The following GRIA1 variants were observed in gnomAD, a reference collection of about 807,000 sequenced individuals.
GRIA1 encodes the protein glutamate receptor 1.
A neutral mutation model predicts 99.2 loss-of-function variants in GRIA1; 31 were observed. The observed-to-expected ratio is 0.31, with a 90% CI of 0.23 to 0.42. The LOEUF (loss-of-function observed/expected upper bound fraction) is 0.42. Ranked by LOEUF, GRIA1 falls within the 10% of genes least tolerant of loss-of-function variation. GRIA1 has a pLI of 1.00. For missense variants in GRIA1, 782 were observed against 1,157.5 expected (o/e 0.68, Z 4.71); for synonymous variants, 438 against 432.4 (o/e 1.01, Z -0.16).
At chr5:153,765,079 A>G (rs953176859) in intron 12 of GRIA1, among the ~76,000 whole-genome samples, 3 of 143,772 alleles carry the variant, frequency 2.1e-5, no homozygotes, top group Non-Finnish European at 1.5e-5. Context: ...AGTATATGGG[A>G]AAAAAAAAAC....
intron 10 of GRIA1, among the ~76,000 whole-genome samples, chr5:153,700,628 A>G (rs1239576099): frequency 6.6e-6 from 1 of 152,198 alleles, no homozygotes; most frequent in African/African-American, 2.4e-5. Flanking sequence ...GAAAGACAAC[A>G]AAAGGCAATG....
At chr5:153,602,275 C>T (rs916703268) in intron 2 of GRIA1, among the ~76,000 whole-genome samples, 6 of 150,728 alleles carry the variant, frequency 4.0e-5, no homozygotes, top group Non-Finnish European at 8.8e-5. Context: ...TAAACTATCA[C>T]AAGGACAAAA....
intron 2 of GRIA1, among the ~76,000 whole-genome samples, chr5:153,504,527 A>C (rs1431632324): frequency 6.6e-6 from 1 of 152,102 alleles, no homozygotes; most frequent in African/African-American, 2.4e-5. Flanking sequence ...GAACCAATGC[A>C]GACAAAAAGT....
rs550371300 is a variant in GRIA1, at chr5:153,667,389, A to T, written c.700-7111A>T. Among the ~76,000 whole-genome samples the T allele has an allele frequency of 3.9e-5, 6 of 152,314 alleles. No homozygotes were observed. In the South Asian group the frequency reaches 1.2e-3, roughly 32 times the overall value. ...AAAGGAAATCCAGCTTTGAAGATAA[A>T]GCCTTTCATCCTTCGATAGCTATGT... On this transcript the variant is annotated intron_variant, in intron 5 of 15. Transcript: ENST00000285900.
chr5:153,532,741 G>A (rs1758202470), intron 2 of GRIA1, among the ~76,000 whole-genome samples: 1 of 152,156 alleles, frequency 6.6e-6, no homozygotes. Flanking sequence ...ACCTCCTGGT[G>A]TTTCCGGTTT....
chr5:153,813,140 T>C lies in GRIA1; in HGVS notation c.*1915T>C, dbSNP rs1269960346. Reference sequence around the variant, plus strand: ...TTTTGACTCAAGTGTTGTTGTTCAGTCTCTCGCGTGTCAATGTGGTCATGG... The same window carrying C: ...TTTTGACTCAAGTGTTGTTGTTCAGCCTCTCGCGTGTCAATGTGGTCATGG... On this transcript the variant is annotated 3_prime_UTR_variant, in exon 16 of 16. Transcript: ENST00000285900. 2 of 152,206 alleles carry C rather than the reference T, an allele frequency of 1.3e-5. No individual in the cohort carries two copies. The highest frequency in any genetic ancestry group is 4.8e-5 in the African/African-American group (2 of 41,446). The allele number at this position is 152,206 out of a possible 1,614,324, so 9.4% of individuals were successfully genotyped here. A position where few individuals can be genotyped will look rare whatever the true frequency, so the allele number is the denominator to read the frequency against.
intron 5 of GRIA1, among the ~76,000 whole-genome samples, chr5:153,670,461 A>G (rs558258187): frequency 1.3e-5 from 2 of 152,006 alleles, no homozygotes; most frequent in East Asian, 1.9e-4. Context: ...TTTTGTCAGT[A>G]GTAACAGTAT....
intron 14 of GRIA1, chr5:153,795,668 A>T: frequency 6.4e-6 from 5 of 782,124 alleles, no homozygotes; most frequent in Non-Finnish European, 1.1e-5. Context: ...CGAGCCTCAG[A>T]GAGGCTTGGA....
At chr5:153,746,362 A>T (rs1762158218) in intron 11 of GRIA1, among the ~76,000 whole-genome samples, 2 of 152,190 alleles carry the variant, frequency 1.3e-5, no homozygotes, top group Admixed American at 1.3e-4. Flanking sequence ...TATTTTAAGT[A>T]AAATCGCTCC....
intron 8 of GRIA1, among the ~76,000 whole-genome samples, chr5:153,689,644 A>G (rs185066574): frequency 6.6e-6 from 1 of 152,312 alleles, no homozygotes; most frequent in East Asian, 1.9e-4. Context: ...GGCCTTCAGC[A>G]TGTCTCATAG....
chr5:153,603,628 T>A (rs1176110918), intron 2 of GRIA1, among the ~76,000 whole-genome samples: 1 of 152,240 alleles, frequency 6.6e-6, no homozygotes, highest in African/African-American at 2.4e-5. Context: ...AATATCGACA[T>A]CTCTGCTCTA....
At chr5:153,696,879 T>TGTGTGG (rs1444321924) in intron 8 of GRIA1, among the ~76,000 whole-genome samples, 8 of 152,160 alleles carry the variant, frequency 5.3e-5, no homozygotes, top group Middle Eastern at 3.4e-3. Flanking sequence ...TGTGTGTGTG[T>TGTGTGG]GTGTATTAGT....
chr5:153,550,214 T>G (rs1266309560), intron 2 of GRIA1, among the ~76,000 whole-genome samples: 11 of 151,920 alleles, frequency 7.2e-5, no homozygotes, highest in Non-Finnish European at 1.2e-4. Context: ...TATATAGATA[T>G]GCTAAGATAT....
At position 153,674,490 on chromosome 5, in the gene GRIA1, C is replaced by A. The variant is rs762809181; in HGVS notation, c.700-10C>A. ...CATGTTCTAACTTCTCCCTCCTCCC[C>A]CTCTCACAGGGCTTCATGGACATTG... On this transcript the variant is annotated splice_polypyrimidine_tract_variant and intron_variant, in intron 5 of 15. Transcript: ENST00000285900. 1.9e-6 allele frequency: 3 copies of A among 1,613,864 alleles called. No homozygotes were observed. Among genetic ancestry groups the A allele is most frequent in the African/African-American group, 1.3e-5 (1 of 74,936 alleles).
Position 153,698,872 on chromosome 5 carries a change from T to A in GRIA1, c.1251T>A (p.Asp417Glu). The change falls in exon 10 of 16, where the codon GAT (aspartate) becomes GAA (glutamate). Residue 417 changes from aspartate (D) to glutamate (E), a missense_variant. By Grantham distance (45) the Asp-to-Glu change is conservative (BLOSUM62 2). Around this residue, in one of 5 missense-constraint regions of GRIA1, gnomAD observed 87 missense variants for 184.5 expected, o/e 0.47. Coordinates refer to ENST00000285900, the MANE Select transcript of GRIA1 (RefSeq NM_000827.4). The stretch of plus-strand genomic sequence containing the variant: ...TCTCCCCATTTCTCTTCCAGGAAGA[T>A]CCTTATGTGATGCTCAAGAAGAACG... ...RTYIVTTILE[D>E]PYVMLKKNAN... is the part of the protein sequence containing the mutation. 6.2e-7 allele frequency: 1 copy of A among 1,608,368 alleles called. No individual in the cohort carries two copies. The highest frequency in any genetic ancestry group is 8.5e-7 in the Non-Finnish European group (1 of 1,174,742).
chr5:153,714,988 A>G (rs1759569476), intron 11 of GRIA1, among the ~76,000 whole-genome samples: 2 of 152,254 alleles, frequency 1.3e-5, no homozygotes, highest in South Asian at 4.1e-4. Context: ...TGCCTGCTAA[A>G]GCAGAGTGGA....
chr5:153,727,487 C>T (rs1361533565), intron 11 of GRIA1, among the ~76,000 whole-genome samples: 1 of 152,218 alleles, frequency 6.6e-6, no homozygotes, highest in Non-Finnish European at 1.5e-5. Context: ...CTAGAAAACC[C>T]CATTGTCTCA....
At chr5:153,598,527 T>G (rs1238282294) in intron 2 of GRIA1, among the ~76,000 whole-genome samples, 1 of 152,100 alleles carries the variant, frequency 6.6e-6, no homozygotes, top group Admixed American at 6.5e-5. Context: ...CTGGAAAGCC[T>G]TGAATGCCAA....
intron 3 of GRIA1, among the ~76,000 whole-genome samples, chr5:153,649,462 TAG>T (rs1754391593): frequency 6.6e-6 from 1 of 151,992 alleles, no homozygotes; most frequent in Non-Finnish European, 1.5e-5. Flanking sequence ...GTTAGTTAGT[TAG>T]TTAGTTAGTT....
Sources: gnomAD v4.1 joint callset for allele counts (sites outside exome capture counted in the v4.1 genomes callset) on GRCh38, gnomAD v4.1.1 for gene constraint, gnomAD v4.1.1 regional missense constraint, MANE v1.5 for transcripts, NCBI Gene and HGNC (gene_info 2026-07-23, HGNC 2026-07-21) for gene names.